Variants in PCDHA10 observed in about 807,000 individuals in gnomAD.
PCDHA10 encodes protocadherin alpha 10.
Under a neutral mutation model 61.2 loss-of-function variants are expected in PCDHA10, and 45 were observed. The ratio of observed to expected loss-of-function variants is 0.74; its 90% CI spans 0.58 to 0.94. The LOEUF (loss-of-function observed/expected upper bound fraction) is 0.94, where lower values mean the gene tolerates loss of function less well. Ranked by LOEUF, PCDHA10 falls within the 40% of genes least tolerant of loss-of-function variation. The pLI is 0.00. For synonymous variants in PCDHA10, 602 were observed against 548.8 expected (o/e 1.10, Z -1.35); for missense variants, 1,278 against 1,236.2 (o/e 1.03, Z -0.51).
intron 3 of PCDHA10, among the ~76,000 whole-genome samples, chr5:140,988,459 G>A (rs1554250155): frequency 6.6e-6 from 1 of 152,152 alleles, no homozygotes; most frequent in Admixed American, 6.5e-5. Context: ...AGGAAGCAAG[G>A]GTGTGGGAAG....
intron 3 of PCDHA10, among the ~76,000 whole-genome samples, chr5:141,005,308 T>TA (rs2098205734): frequency 6.6e-6 from 1 of 152,214 alleles, no homozygotes; most frequent in Non-Finnish European, 1.5e-5. Context: ...TTGTGAATCT[T>TA]ACAGTGGTAG....
chr5:140,936,435 TTAAA>T (rs1554210994), intron 1 of PCDHA10, among the ~76,000 whole-genome samples: 2 of 152,222 alleles, frequency 1.3e-5, no homozygotes, highest in African/African-American at 4.8e-5. Flanking sequence ...TAATTTAAGC[TTAAA>T]TAACCACATC....
Position 140,862,369 on chromosome 5 carries a change from C to A in PCDHA10, c.2388+3933C>A, listed in dbSNP as rs1265761765. On this transcript the variant is annotated intron_variant, in intron 1 of 3. Coordinates refer to ENST00000307360, the MANE Select transcript of PCDHA10 (RefSeq NM_018901.4). ...GTGCCAAGGGACAGACGACCCGCAC[C>A]CTGACTCCTCACGTCTCTTCAAGCT... The A allele has an allele frequency of 1.8e-5, 6 of 341,324 alleles. No individual in the cohort carries two copies. In the Admixed American group the frequency reaches 2.3e-4, roughly 13 times the overall value. The allele number at this position is 341,324 out of a possible 1,614,324, so 21.1% of individuals were successfully genotyped here. A position where few individuals can be genotyped will look rare whatever the true frequency, so the allele number is the denominator to read the frequency against.
chr5:140,953,564 GC>G (rs543933826), intron 1 of PCDHA10, among the ~76,000 whole-genome samples: 356 of 152,176 alleles, frequency 2.3e-3, no homozygotes, highest in African/African-American at 7.9e-3. Context: ...AAGTTTTAGT[GC>G]CCTCCTCTCC....
rs530240100 is a variant in PCDHA10 at position 140,875,788 on chromosome 5, C to T, written c.2388+17352C>T. 5 of 1,614,194 alleles carry T rather than the reference C, an allele frequency of 3.1e-6. No individual in the cohort carries two copies. In the Admixed American group the frequency reaches 5.0e-5, roughly 16 times the overall value. The stretch of plus-strand genomic sequence containing the variant: ...GCGGAGCGCGGAGTGCAGTATCCAC[C>T]TGGAGGTGATCGTGGACAGGCCGCT... On this transcript the variant is annotated intron_variant, in intron 1 of 3. Coordinates refer to ENST00000307360, the MANE Select transcript of PCDHA10 (RefSeq NM_018901.4).
At chr5:140,941,603 T>C (rs116946105) in intron 1 of PCDHA10, among the ~76,000 whole-genome samples, 1 of 152,024 alleles carries the variant, frequency 6.6e-6, no homozygotes, top group East Asian at 1.9e-4. Flanking sequence ...CCATGAGCCA[T>C]GGTGCCCAGC....
At chr5:140,862,842 G>T (rs1554157108) in intron 1 of PCDHA10, 2 of 572,864 alleles carry the variant, frequency 3.5e-6, no homozygotes, top group Middle Eastern at 3.7e-4. Context: ...CGGGCATGCC[G>T]CCTCTGAGCA....
chr5:140,860,295 G>C (rs1358884678), intron 1 of PCDHA10: 2 of 151,884 alleles, frequency 1.3e-5, no homozygotes, highest in Non-Finnish European at 2.9e-5. Context: ...GTGGGAGGAC[G>C]GCTTGAGCCT....
At chr5:140,891,424 G>A (rs932574419) in intron 1 of PCDHA10, among the ~76,000 whole-genome samples, 1 of 146,144 alleles carries the variant, frequency 6.8e-6, no homozygotes, top group Non-Finnish European at 1.5e-5. Context: ...TTGCCCCCAA[G>A]TCCCCAACGT....
Position 140,857,745 on chromosome 5 carries a change from C to G in PCDHA10, c.1697C>G (p.Ala566Gly). 6.3e-7 allele frequency: 1 copy of G among 1,597,310 alleles called. No homozygotes were observed. The highest frequency in any genetic ancestry group is 8.6e-7 in the Non-Finnish European group (1 of 1,167,612). ...DENDNAPALL[A>G]SPAGSAGGAV... is the part of the protein sequence containing the mutation. ...AACGACAACGCTCCCGCGCTGCTGGCGTCTCCCGCTGGCAGCGCGGGCGGT... is the reference window on the plus strand; with the variant it reads ...AACGACAACGCTCCCGCGCTGCTGGGGTCTCCCGCTGGCAGCGCGGGCGGT... The change falls in exon 1 of 4, where the codon GCG (alanine) becomes GGG (glycine). Residue 566 changes from alanine to glycine, a missense_variant. Ala to Gly is a moderately conservative substitution (Grantham distance 60). Coordinates refer to ENST00000307360, the MANE Select transcript of PCDHA10 (RefSeq NM_018901.4).
intron 1 of PCDHA10, among the ~76,000 whole-genome samples, chr5:140,969,715 A>G (rs1312398688): frequency 6.6e-6 from 1 of 152,082 alleles, no homozygotes; most frequent in Non-Finnish European, 1.5e-5. Context: ...CTACAGGGAA[A>G]TTTTTCTTTT....
intron 3 of PCDHA10, among the ~76,000 whole-genome samples, chr5:140,995,391 G>A (rs2097681152): frequency 1.3e-5 from 2 of 152,170 alleles, no homozygotes; most frequent in African/African-American, 2.4e-5. Context: ...AGGATAAAGC[G>A]GGATGGCTCG....
intron 1 of PCDHA10, among the ~76,000 whole-genome samples, chr5:140,942,360 G>A (rs782168150): frequency 4.0e-5 from 6 of 151,816 alleles, no homozygotes; most frequent in Admixed American, 3.3e-4. Context: ...TGCAGTTAAC[G>A]GAGATTGCAC....
intron 3 of PCDHA10, among the ~76,000 whole-genome samples, chr5:141,005,774 G>A (rs2098239231): frequency 1.4e-5 from 2 of 144,252 alleles, no homozygotes; most frequent in Non-Finnish European, 3.0e-5. Flanking sequence ...AACCAGATGT[G>A]TAAAGATCCT....
Position 140,881,600 on chromosome 5 carries a change from A to G in PCDHA10, c.2388+23164A>G, listed in dbSNP as rs193128939. On this transcript the variant is annotated intron_variant, in intron 1 of 3. Coordinates refer to ENST00000307360, the MANE Select transcript of PCDHA10 (RefSeq NM_018901.4). ...GTCACATTGAGGGAAATTTATTAAT[A>G]TGATGTGCTTATTCAAAATCTGATA... 3.1e-3 allele frequency among the ~76,000 whole-genome samples: 469 copies of G among 152,338 alleles called. 3 individuals are homozygous for G. Among genetic ancestry groups the G allele is most frequent in the Middle Eastern group, 0.014 (4 of 294 alleles).
At chr5:140,994,236 A>G (rs1222556974) in intron 3 of PCDHA10, among the ~76,000 whole-genome samples, 3 of 152,170 alleles carry the variant, frequency 2.0e-5, no homozygotes, top group African/African-American at 4.8e-5. Context: ...GTTATAATCA[A>G]TTCAAACCCT....
chr5:140,929,291 A>G (rs782335969), intron 1 of PCDHA10: 19 of 1,596,972 alleles, frequency 1.2e-5, no homozygotes, highest in Non-Finnish European at 1.6e-5. Flanking sequence ...CAGATTCGGA[A>G]TAGGAAAGGG....
intron 1 of PCDHA10, chr5:140,882,132 A>G: frequency 6.8e-7 from 1 of 1,475,878 alleles, no homozygotes; most frequent in Non-Finnish European, 9.1e-7. Flanking sequence ...TTCTTCCTGC[A>G]GAAAATATAG....
intron 3 of PCDHA10, among the ~76,000 whole-genome samples, chr5:140,992,543 T>G (rs1226407687): frequency 6.6e-6 from 1 of 152,186 alleles, no homozygotes; most frequent in African/African-American, 2.4e-5. Flanking sequence ...CTGTCACAAG[T>G]GATGCCAGGA....
Sources: gnomAD v4.1 joint callset for allele counts (sites outside exome capture counted in the v4.1 genomes callset) on GRCh38, gnomAD v4.1.1 for gene constraint, MANE v1.5 for transcripts, NCBI Gene and HGNC (gene_info 2026-07-23, HGNC 2026-07-21) for gene names.